The following CDC42SE2 variants were observed in gnomAD, a reference collection of about 807,000 sequenced individuals.
CDC42SE2 encodes the protein CDC42 small effector protein 2.
CDC42SE2 carries 3 observed loss-of-function variants against 11.5 expected under a neutral mutation model. The ratio of observed to expected loss-of-function variants is 0.26; its 90% confidence interval spans 0.12 to 0.67. CDC42SE2 has a LOEUF of 0.67. Ranked by LOEUF, CDC42SE2 falls within the 30% of genes least tolerant of loss-of-function variation. CDC42SE2 has a pLI of 0.80. For missense variants in CDC42SE2, 82 were observed against 106.8 expected (o/e 0.77, Z 1.02); for synonymous variants, 33 against 34.8 (o/e 0.95, Z 0.18).
At chr5:131,381,229 C>G (rs1211531485) in intron 3 of CDC42SE2, among the ~76,000 whole-genome samples, 2 of 152,200 alleles carry the variant, frequency 1.3e-5, no homozygotes, top group Non-Finnish European at 2.9e-5. Flanking sequence ...GAATTGCACA[C>G]TCTCTGCTGA....
chr5:131,268,207 T>G (rs1756913018), intron 1 of CDC42SE2, among the ~76,000 whole-genome samples: 1 of 145,910 alleles, frequency 6.9e-6, no homozygotes, highest in Non-Finnish European at 1.5e-5. Context: ...GGATTACAGG[T>G]GTCTGCCACC....
chr5:131,337,482 ACT>A (rs1259420353), intron 2 of CDC42SE2, among the ~76,000 whole-genome samples: 2 of 151,896 alleles, frequency 1.3e-5, no homozygotes, highest in Non-Finnish European at 2.9e-5. Context: ...GAAAACCACT[ACT>A]CTCTTCAAAG....
chr5:131,355,036 G>C (rs1749491959), intron 2 of CDC42SE2, among the ~76,000 whole-genome samples: 1 of 152,036 alleles, frequency 6.6e-6, no homozygotes. Flanking sequence ...GAGCATTTTG[G>C]ATTTCAAATT....
intron 1 of CDC42SE2, among the ~76,000 whole-genome samples, chr5:131,254,070 A>C (rs1756661071): frequency 6.6e-6 from 1 of 152,178 alleles, no homozygotes; most frequent in Admixed American, 6.5e-5. Flanking sequence ...GTTCTAGGGT[A>C]CATGTGCACA....
chr5:131,272,361 C>T (rs966329587), intron 1 of CDC42SE2, among the ~76,000 whole-genome samples: 2 of 152,102 alleles, frequency 1.3e-5, no homozygotes, highest in African/African-American at 4.8e-5. Context: ...GATTTAATCA[C>T]CACAGATTAC....
chr5:131,250,559 G>A (rs1351548178), intron 1 of CDC42SE2, among the ~76,000 whole-genome samples: 1 of 152,150 alleles, frequency 6.6e-6, no homozygotes, highest in Non-Finnish European at 1.5e-5. Flanking sequence ...TGGTTGCCAG[G>A]GACTGTGGAG....
intron 3 of CDC42SE2, among the ~76,000 whole-genome samples, chr5:131,367,076 T>TAA (rs1410158838): frequency 9.3e-5 from 14 of 151,294 alleles, no homozygotes; most frequent in Admixed American, 3.3e-4. Context: ...CTTATATATA[T>TAA]AACAGGTCAA....
intron 2 of CDC42SE2, among the ~76,000 whole-genome samples, chr5:131,317,396 A>G (rs1758062857): frequency 6.6e-6 from 1 of 152,204 alleles, no homozygotes. Context: ...AATTATAGGA[A>G]TGAGGGACGT....
At chr5:131,338,974 G>A (rs914726052) in intron 2 of CDC42SE2, among the ~76,000 whole-genome samples, 34 of 152,202 alleles carry the variant, frequency 2.2e-4, no homozygotes, top group Admixed American at 1.2e-3. Context: ...CAGGCCGGGC[G>A]TGGTGGCTCA....
the CDC42SE2 span, among the ~76,000 whole-genome samples, chr5:131,223,761 AT>A: frequency 2.0e-5 from 3 of 152,118 alleles, no homozygotes; most frequent in Non-Finnish European, 4.4e-5. Flanking sequence ...CTACTGCCCA[AT>A]TTTTTAATAG....
chr5:131,278,744 C>CT (rs1435267226), intron 1 of CDC42SE2, among the ~76,000 whole-genome samples: 1 of 7,304 alleles, frequency 1.4e-4, no homozygotes, highest in African/African-American at 6.4e-4. Context: ...CTCCCCTCCC[C>CT]CTCCCCTCCC....
intron 3 of CDC42SE2, among the ~76,000 whole-genome samples, chr5:131,364,531 A>G (rs1749800517): frequency 6.6e-6 from 1 of 152,228 alleles, no homozygotes; most frequent in African/African-American, 2.4e-5. Context: ...ATAGGAAATC[A>G]TTGAATGGTT....
chr5:131,312,067 T>G (rs1011357054), intron 1 of CDC42SE2, among the ~76,000 whole-genome samples: 42 of 152,322 alleles, frequency 2.8e-4, no homozygotes, highest in African/African-American at 1.0e-3. Flanking sequence ...TTCCCCATCT[T>G]TGTGGTTTTA....
chr5:131,351,626 A>G (rs1759014493), intron 2 of CDC42SE2, among the ~76,000 whole-genome samples: 1 of 152,262 alleles, frequency 6.6e-6, no homozygotes, highest in Non-Finnish European at 1.5e-5. Flanking sequence ...ATGAGCTAGA[A>G]CAACTGGATA....
chr5:131,237,280 TC>T, the CDC42SE2 span, among the ~76,000 whole-genome samples: 1 of 152,244 alleles, frequency 6.6e-6, no homozygotes, highest in Non-Finnish European at 1.5e-5. Context: ...TACTTCTCTT[TC>T]ACTCTTGAAT....
chr5:131,311,155 C>G (rs1468675905), intron 1 of CDC42SE2, among the ~76,000 whole-genome samples: 2 of 152,032 alleles, frequency 1.3e-5, no homozygotes, highest in African/African-American at 4.8e-5. Context: ...AAAAATCTCT[C>G]AGCATTTGCT....
Position 131,249,002 on chromosome 5 carries a change from G to C in CDC42SE2, n.107+3403G>C, listed in dbSNP as rs1231998407. Among the ~76,000 whole-genome samples the C allele has an allele frequency of 1.9e-4, 27 of 145,272 alleles. No individual in the cohort carries two copies. In the Admixed American group the frequency reaches 1.9e-3, roughly 10 times the overall value. Reference sequence around the variant, plus strand: ...GAAGATTAATAAGTGTCCATGAATAGCCAGGTTACATCTTTTTTTTTTTTT... The same window carrying C: ...GAAGATTAATAAGTGTCCATGAATACCCAGGTTACATCTTTTTTTTTTTTT... On this transcript the variant is annotated intron_variant and non_coding_transcript_variant, in intron 1 of 3. Coordinates refer to the CDC42SE2 transcript ENST00000502840.
intron 1 of CDC42SE2, chr5:131,255,094 G>C (rs1256973852): frequency 1.3e-5 from 2 of 152,014 alleles, no homozygotes; most frequent in African/African-American, 4.8e-5. Context: ...GTTTATTTTA[G>C]AATTGACAAA....
intron 1 of CDC42SE2, among the ~76,000 whole-genome samples, chr5:131,287,332 A>G (rs1210784634): frequency 6.6e-6 from 1 of 152,158 alleles, no homozygotes; most frequent in Non-Finnish European, 1.5e-5. Context: ...AAGGTTAACA[A>G]TATTCAACTT....
Sources: allele counts gnomAD v4.1 joint callset (sites outside exome capture counted in the v4.1 genomes callset), GRCh38; gene constraint gnomAD v4.1.1; transcripts MANE v1.5; gene names NCBI Gene and HGNC (gene_info 2026-07-23, HGNC 2026-07-21).